USP47: variants seen among roughly 807,000 people sequenced by gnomAD.
USP47 encodes the protein ubiquitin specific peptidase 47.
A neutral mutation model predicts 165.1 loss-of-function variants in USP47; 35 were observed. The observed-to-expected ratio is 0.21, with a 90% CI of 0.16 to 0.28. The LOEUF is 0.28. USP47 is among the 10% of genes least tolerant of loss of function. The pLI is 1.00. For missense variants in USP47, 1,277 were observed against 1,607.4 expected, an observed-to-expected ratio of 0.79 and a Z score of 3.52; for synonymous variants, 531 against 544.5, an observed-to-expected ratio of 0.98 and a Z score of 0.35.
chr11:11,950,571 C>G (rs1319932530), intron 24 of USP47, 89 bp downstream of exon 24: 1 of 891,216 alleles, frequency 1.1e-6, no homozygotes, highest in South Asian at 1.5e-5. Context: ...TAATGAGTTA[C>G]GAGGAATCTA....
intron 18 of USP47, among the ~76,000 whole-genome samples, chr11:11,939,268 G>A (rs1032960483): frequency 6.6e-6 from 1 of 151,952 alleles, no homozygotes; most frequent in African/African-American, 2.4e-5. Context: ...ATTCCCTGGT[G>A]TAGTGGAAAT....
At chr11:11,896,026 T>C (rs1289833203) in intron 4 of USP47, among the ~76,000 whole-genome samples, 1 of 152,240 alleles carries the variant, frequency 6.6e-6, no homozygotes, top group Non-Finnish European at 1.5e-5. Context: ...AAGGTTTCTG[T>C]TAATTCATTA....
chr11:11,876,094 T>C (rs1251780212), intron 1 of USP47, among the ~76,000 whole-genome samples: 4 of 152,190 alleles, frequency 2.6e-5, no homozygotes, highest in South Asian at 2.1e-4. Context: ...GTTTCAACTT[T>C]AGGATTTATA....
intron 2 of USP47, among the ~76,000 whole-genome samples, chr11:11,882,394 T>A (rs1850889349): frequency 6.6e-6 from 1 of 152,208 alleles, no homozygotes; most frequent in Non-Finnish European, 1.5e-5. Flanking sequence ...TTGCCTGATT[T>A]GCCCTTAAAA....
intron 1 of USP47, among the ~76,000 whole-genome samples, chr11:11,867,560 A>G (rs1849762953): frequency 1.3e-5 from 2 of 152,232 alleles, no homozygotes; most frequent in South Asian, 4.1e-4. Flanking sequence ...TCAATTTTGA[A>G]CCACTTTTTT....
chr11:11,955,246 C>G (rs1267360759), intron 27 of USP47, 82 bp downstream of exon 27: 1 of 1,513,902 alleles, frequency 6.6e-7, no homozygotes, highest in Non-Finnish European at 8.9e-7. Context: ...AATATCTTTA[C>G]TGTTTTTATG....
At chr11:11,930,165 T>G (rs201151420) in intron 13 of USP47, 45 bp downstream of exon 13, 187 of 1,516,768 alleles carry the variant, frequency 1.2e-4, no homozygotes, top group Non-Finnish European at 1.6e-4. Context: ...TAGAATTAAT[T>G]ATAGCTTCTC....
chr11:11,873,907 T>A, intron 1 of USP47: 1 of 1,112,562 alleles, frequency 9.0e-7, no homozygotes, highest in Non-Finnish European at 1.2e-6. Flanking sequence ...GCAGAGCAAG[T>A]AACAGCATGT....
At position 11,942,311 on chromosome 11, in the gene USP47, A is replaced by G. The variant is rs12293248; in HGVS notation, c.2314-24A>G. ...AGCATGTCACTAAAATTAATATATA[A>G]TAAAACTCTGACTTACTATGTAGGT... On this transcript the variant is annotated intron_variant, in intron 19 of 27. Transcript: ENST00000527733. 6.4e-3 allele frequency: 9,890 copies of G among 1,542,432 alleles called. 517 individuals are homozygous for G. In the African/African-American group the frequency reaches 0.12, roughly 18 times the overall value.
chr11:11,876,015 T>C (rs896347499), intron 1 of USP47, among the ~76,000 whole-genome samples: 5 of 152,232 alleles, frequency 3.3e-5, no homozygotes, highest in African/African-American at 7.2e-5. Context: ...ACAGTAAATA[T>C]AACTGCTGTT....
At chr11:11,940,749 C>T (rs879696780) in intron 19 of USP47, among the ~76,000 whole-genome samples, 11 of 151,834 alleles carry the variant, frequency 7.2e-5, no homozygotes, top group African/African-American at 1.7e-4. Flanking sequence ...CCTACTGGTT[C>T]TCCTCTTCTT....
intron 1 of USP47, among the ~76,000 whole-genome samples, chr11:11,864,344 A>T (rs1415101346): frequency 1.3e-5 from 2 of 152,126 alleles, no homozygotes; most frequent in South Asian, 4.1e-4. Context: ...AGCTATTTAT[A>T]AAAAATTTAT....
At chr11:11,885,935 G>T (rs1408817735) in intron 3 of USP47, among the ~76,000 whole-genome samples, 1 of 152,166 alleles carries the variant, frequency 6.6e-6, no homozygotes, top group Non-Finnish European at 1.5e-5. Flanking sequence ...GATACCTCCA[G>T]GTATGGGAAA....
At chr11:11,919,583 A>G (rs564343605) in intron 8 of USP47, among the ~76,000 whole-genome samples, 2 of 151,948 alleles carry the variant, frequency 1.3e-5, no homozygotes, top group South Asian at 4.1e-4. Context: ...CTCATTATAC[A>G]TTTCCAAATG....
At chr11:11,923,277 A>G (rs1010401064) in intron 11 of USP47, among the ~76,000 whole-genome samples, 1 of 151,692 alleles carries the variant, frequency 6.6e-6, no homozygotes, top group Non-Finnish European at 1.5e-5. Flanking sequence ...GAGTTTTCCT[A>G]TATAGAAAAG....
At chr11:11,842,958 TAGA>T (rs776127601) in intron 1 of USP47, among the ~76,000 whole-genome samples, 39 of 151,652 alleles carry the variant, frequency 2.6e-4, no homozygotes, top group Non-Finnish European at 4.3e-4. Flanking sequence ...TGAATAGTAG[TAGA>T]AGATTTAGGG....
At chr11:11,955,293 A>G in intron 27 of USP47, 129 bp downstream of exon 27, 1 of 1,134,972 alleles carries the variant, frequency 8.8e-7, no homozygotes, top group South Asian at 2.6e-5. Context: ...ATACAGTGAC[A>G]GCCAAACATG....
intron 8 of USP47, among the ~76,000 whole-genome samples, chr11:11,916,721 A>G (rs149877673): frequency 6.6e-6 from 1 of 152,224 alleles, no homozygotes; most frequent in Non-Finnish European, 1.5e-5. Context: ...GTGAAGAAGA[A>G]AAATAAAACA....
intron 19 of USP47, among the ~76,000 whole-genome samples, chr11:11,941,111 ATG>A (rs2134772378): frequency 6.6e-6 from 1 of 151,932 alleles, no homozygotes; most frequent in Admixed American, 6.6e-5. Flanking sequence ...CATTTTTCAT[ATG>A]TGTTTTTATC....
Sources: allele counts gnomAD v4.1 joint callset (sites outside exome capture counted in the v4.1 genomes callset), GRCh38; gene constraint gnomAD v4.1.1; transcripts MANE v1.5; gene names NCBI Gene and HGNC (gene_info 2026-07-23, HGNC 2026-07-21).